CSMD2: variants seen among roughly 807,000 people sequenced by gnomAD.
The protein encoded by CSMD2 is CUB and sushi domain-containing protein 2.
In CSMD2, 130 loss-of-function variants were observed where a neutral mutation model predicts 398.5. The ratio of observed to expected loss-of-function variants is 0.33; its 90% CI spans 0.28 to 0.38. The LOEUF is 0.38. Among genes scored for constraint, CSMD2 ranks in the 10% least tolerant of loss-of-function variants. CSMD2 has a pLI of 1.00. For missense variants in CSMD2, 3,829 were observed against 4,764.9 expected (o/e 0.80, Z 5.78); for synonymous variants, 1,828 against 1,908.5 (o/e 0.96, Z 1.10).
At chr1:34,099,160 A>G (rs932033047) in intron 1 of CSMD2, among the ~76,000 whole-genome samples, 1 of 152,068 alleles carries the variant, frequency 6.6e-6, no homozygotes, top group Admixed American at 6.5e-5. Context: ...ACTTCCTTGA[A>G]CTTTCCCTCA....
chr1:33,886,151 G>C (rs529579397), intron 5 of CSMD2, among the ~76,000 whole-genome samples: 1 of 152,324 alleles, frequency 6.6e-6, no homozygotes, highest in Non-Finnish European at 1.5e-5. Context: ...CAGATAGCTA[G>C]AGGATACTGG....
chr1:33,737,245 G>A (rs944893613), intron 15 of CSMD2, among the ~76,000 whole-genome samples: 1 of 152,152 alleles, frequency 6.6e-6, no homozygotes, highest in Non-Finnish European at 1.5e-5. Flanking sequence ...AGTGCTGATT[G>A]CACTGAGGAA....
At chr1:34,078,076 C>T (rs540006091) in intron 2 of CSMD2, among the ~76,000 whole-genome samples, 1 of 152,058 alleles carries the variant, frequency 6.6e-6, no homozygotes. Context: ...TTCAAACAAT[C>T]CTCTTGCCTC....
chr1:33,775,807 A>T (rs894765454), intron 12 of CSMD2, among the ~76,000 whole-genome samples: 1 of 152,182 alleles, frequency 6.6e-6, no homozygotes, highest in Admixed American at 6.5e-5. Flanking sequence ...ACCCAAGGAG[A>T]GTGAGAAGGG....
intron 22 of CSMD2, among the ~76,000 whole-genome samples, chr1:33,706,809 T>A (rs1003732725): frequency 6.6e-6 from 1 of 151,346 alleles, no homozygotes; most frequent in Non-Finnish European, 1.5e-5. Flanking sequence ...TGCGCGTGCA[T>A]GTGTTTGTGC....
At chr1:33,908,543 A>AG (rs1427723463) in intron 5 of CSMD2, among the ~76,000 whole-genome samples, 3 of 152,268 alleles carry the variant, frequency 2.0e-5, no homozygotes, top group African/African-American at 7.2e-5. Context: ...CATGGGGGGC[A>AG]GGCCAGCTGC....
rs377045586 is a variant in CSMD2, at chr1:33,620,007, C to T, written c.5827+2160G>A. 5.2e-4 allele frequency among the ~76,000 whole-genome samples: 79 copies of T among 151,760 alleles called. 2 individuals carry two copies. In the South Asian group the frequency reaches 0.015, roughly 30 times the overall value. ...GATGGAGAGAAGAGCAGAATGAGGA[C>T]AAAAAAGCGTGGTAGGAAGAAAAAT... is the stretch of plus-strand genomic sequence containing the variant. On this transcript the variant is annotated intron_variant, in intron 37 of 70. Transcript: ENST00000373381.
Position 33,820,562 on chromosome 1 carries a change from A to T in CSMD2, c.1112-6T>A, listed in dbSNP as rs767974213. 2 of 1,073,112 alleles carry T rather than the reference A, an allele frequency of 1.9e-6. No homozygotes were observed. The highest frequency in any genetic ancestry group is 1.3e-6 in the Non-Finnish European group (1 of 753,300). 66.5% of individuals were successfully genotyped at this position (1,073,112 alleles called of 1,614,324 possible). ...GGACACACCAACCTGAGTTACTACA[A>T]GGCAAAAAAAAAAAAAAAAAAAAAA... On this transcript the variant is annotated splice_polypyrimidine_tract_variant and splice_region_variant and intron_variant, in intron 7 of 70. Coordinates refer to ENST00000373381, the MANE Select transcript of CSMD2 (RefSeq NM_001281956.2).
rs1057222067 is a variant in CSMD2 at position 33,533,721 on chromosome 1, G to T, written c.9991+75C>A. ...AGTTGTGAACTCCCTGTCATTCAGA[G>T]CATTCAAACATGACCCAGATGCCCA... On this transcript the variant is annotated intron_variant, in intron 63 of 70. Transcript: ENST00000373381. This position sits in a 1 kb window ranked among gnomAD's most constrained non-coding sequence, Gnocchi z 4.2. The T allele has an allele frequency of 2.2e-6, 2 of 911,880 alleles. No individual in the cohort carries two copies. Among genetic ancestry groups the T allele is most frequent in the African/African-American group, 1.6e-5 (1 of 61,314 alleles). The allele number at this position is 911,880 out of a possible 1,614,324, so 56.5% of individuals were successfully genotyped here.
chr1:33,802,238 T>C (rs1174566955), intron 10 of CSMD2, among the ~76,000 whole-genome samples: 1 of 152,204 alleles, frequency 6.6e-6, no homozygotes, highest in Non-Finnish European at 1.5e-5. Context: ...CATCACTTGC[T>C]CTGAGCCTTC....
chr1:33,678,073 C>G (rs555013770), intron 25 of CSMD2, among the ~76,000 whole-genome samples: 7 of 151,264 alleles, frequency 4.6e-5, no homozygotes, highest in Non-Finnish European at 8.8e-5. Context: ...CAAACCTGCA[C>G]GTTCTGCACA....
chr1:34,141,273 T>C (rs1186895082), intron 1 of CSMD2, among the ~76,000 whole-genome samples: 1 of 151,984 alleles, frequency 6.6e-6, no homozygotes, highest in Non-Finnish European at 1.5e-5. Flanking sequence ...GCCCCTACTA[T>C]GTGGAAGACA....
At position 33,981,407 on chromosome 1, in the gene CSMD2, G is replaced by C. The variant is rs145579316; in HGVS notation, c.518-45453C>G. ...TTATTTGCAATTTTCATCCCCCTTT[G>C]GGCATCAGGTAAGGCTTGCTCAAGA... On this transcript the variant is annotated intron_variant, in intron 3 of 70. Transcript: ENST00000373381. 2.1e-3 allele frequency among the ~76,000 whole-genome samples: 326 copies of C among 152,214 alleles called. 2 individuals carry two copies. Among genetic ancestry groups the C allele is most frequent in the Middle Eastern group, 6.8e-3 (2 of 294 alleles).
intron 21 of CSMD2, among the ~76,000 whole-genome samples, chr1:33,713,429 G>A (rs1646056446): frequency 6.6e-6 from 1 of 152,156 alleles, no homozygotes; most frequent in Non-Finnish European, 1.5e-5. Context: ...GAGGTCCATG[G>A]CTAACAGTGA....
chr1:34,146,807 G>A (rs1401057506), intron 1 of CSMD2, among the ~76,000 whole-genome samples: 1 of 152,122 alleles, frequency 6.6e-6, no homozygotes, highest in Non-Finnish European at 1.5e-5. Flanking sequence ...CTGGGGGTGG[G>A]AGAGAGTCAT....
chr1:34,107,787 A>G (rs1660664161), intron 1 of CSMD2, among the ~76,000 whole-genome samples: 1 of 152,208 alleles, frequency 6.6e-6, no homozygotes, highest in Non-Finnish European at 1.5e-5. Flanking sequence ...ATTGCCTGAC[A>G]TTTGGGGAAT....
chr1:34,015,211 C>A (rs980618830), intron 3 of CSMD2, among the ~76,000 whole-genome samples: 1 of 152,132 alleles, frequency 6.6e-6, no homozygotes, highest in African/African-American at 2.4e-5. Flanking sequence ...CTTCCCAGGG[C>A]AAAATGGGAT....
Position 33,974,396 on chromosome 1 carries a change from C to T in CSMD2, c.518-38442G>A, listed in dbSNP as rs1039417313. On this transcript the variant is annotated intron_variant, in intron 3 of 70. Coordinates refer to ENST00000373381, the MANE Select transcript of CSMD2 (RefSeq NM_001281956.2). ...TTTCTTCTGGAAATGCTCCTCTGAGCCAGGCATAGGGCCAAGCACTAGGGA... is the reference window on the plus strand; with the variant it reads ...TTTCTTCTGGAAATGCTCCTCTGAGTCAGGCATAGGGCCAAGCACTAGGGA... Among the ~76,000 whole-genome samples, 3 of 152,220 alleles carry T rather than the reference C, an allele frequency of 2.0e-5. No individual in the cohort carries two copies. In the South Asian group the frequency reaches 6.2e-4, roughly 32 times the overall value.
intron 10 of CSMD2, among the ~76,000 whole-genome samples, chr1:33,797,823 C>A (rs1655126517): frequency 6.6e-6 from 1 of 152,118 alleles, no homozygotes; most frequent in Non-Finnish European, 1.5e-5. Context: ...AGCCCTGGGG[C>A]AGAGGACACG....
Sources: gnomAD v4.1 joint callset for allele counts (sites outside exome capture counted in the v4.1 genomes callset) on GRCh38, gnomAD v4.1.1 for gene constraint, Gnocchi (gnomAD v3.1) non-coding constraint, MANE v1.5 for transcripts, NCBI Gene and HGNC (gene_info 2026-07-23, HGNC 2026-07-21) for gene names.